TMEM255A: variants seen among roughly 807,000 people sequenced by gnomAD.
TMEM255A encodes the protein family with sequence similarity 70, member A.
A neutral mutation model predicts 23.5 loss-of-function variants in TMEM255A; 14 were observed. The observed-to-expected ratio is 0.60, with a 90% confidence interval of 0.39 to 0.93. The LOEUF (loss-of-function observed/expected upper bound fraction) is 0.93, where lower values mean the gene tolerates loss of function less well. TMEM255A is among the 40% of genes least tolerant of loss of function. The pLI is 0.00. For synonymous variants in TMEM255A, 104 were observed against 100.3 expected, an observed-to-expected ratio of 1.04 and a Z score of -0.22; for missense variants, 233 against 261.7, an observed-to-expected ratio of 0.89 and a Z score of 0.76.
At chrX:120,287,341 G>C in intron 4 of TMEM255A, 119 bp from the exon 5 acceptor site, 1 of 276,611 alleles carries the variant, frequency 3.6e-6, no homozygotes, top group Admixed American at 8.8e-5. Context: ...ACACACAGAA[G>C]CAGGCAGGCA....
At chrX:120,254,363 A>G (rs1556014946), downstream of TMEM255A, 3 of 1,211,838 alleles carry the variant, frequency 2.5e-6, no homozygotes, top group Non-Finnish European at 3.3e-6. Flanking sequence ...AGCAGACACC[A>G]AACAGTGCTA....
At chrX:120,270,596 C>G (rs1229436428) in intron 7 of TMEM255A, among the ~76,000 whole-genome samples, 7 of 111,601 alleles carry the variant, frequency 6.3e-5, no homozygotes, top group Non-Finnish European at 1.3e-4. Flanking sequence ...AAATTCATCT[C>G]AAATCCTCAT....
At chrX:120,298,005 G>C (rs1226378044) in intron 2 of TMEM255A, among the ~76,000 whole-genome samples, 2 of 110,947 alleles carry the variant, frequency 1.8e-5, no homozygotes, top group African/African-American at 6.6e-5. Context: ...GAGCTTCATG[G>C]AATCATGTAA....
intron 1 of TMEM255A, among the ~76,000 whole-genome samples, chrX:120,304,711 A>G (rs1319478561): frequency 9.0e-6 from 1 of 111,689 alleles, no homozygotes; most frequent in African/African-American, 3.3e-5. Flanking sequence ...CAATTTGAAA[A>G]TAAACAACAG....
chrX:120,285,583 A>T (rs782679786), intron 5 of TMEM255A: 1 of 1,207,479 alleles, frequency 8.3e-7, no homozygotes, highest in Admixed American at 2.2e-5. Context: ...GTGGGAAGGA[A>T]GACAGAGGAG....
chrX:120,285,680 G>T (rs782433655), intron 5 of TMEM255A: 2 of 1,211,104 alleles, frequency 1.7e-6, no homozygotes, highest in Non-Finnish European at 2.2e-6. Flanking sequence ...AGAATTTTTG[G>T]TTGAGGAACT....
At chrX:120,263,061 A>G (rs2057690613) in intron 8 of TMEM255A, among the ~76,000 whole-genome samples, 1 of 111,418 alleles carries the variant, frequency 9.0e-6, no homozygotes, top group African/African-American at 3.3e-5. Context: ...GGGAGTCTTA[A>G]GGATAAAGCT....
Position 120,304,592 on chromosome X carries a change from G to C in TMEM255A, c.59-101C>G, listed in dbSNP as rs956038972. ...AAGGTTTTCCTTTCCTATTCCTACC[G>C]GTAACTGAAGTTATCTTTGGTGGTG... On this transcript the variant is annotated intron_variant, in intron 1 of 8. Transcript: ENST00000371369. The C allele has an allele frequency of 3.3e-6, 3 of 910,970 alleles. No homozygotes were observed. In the African/African-American group the frequency reaches 6.0e-5, roughly 18 times the overall value. The allele number at this position is 910,970 out of a possible 1,213,427, so 75.1% of individuals were successfully genotyped here. A position where few individuals can be genotyped will look rare whatever the true frequency, so the allele number is the denominator to read the frequency against.
chrX:120,284,291 T>C (rs1265148374), intron 6 of TMEM255A, among the ~76,000 whole-genome samples: 1 of 112,372 alleles, frequency 8.9e-6, no homozygotes, highest in African/African-American at 3.2e-5. Flanking sequence ...GAATAAAGGA[T>C]GTTTTAGCAA....
At chrX:120,301,903 T>C in intron 2 of TMEM255A, among the ~76,000 whole-genome samples, 1 of 112,120 alleles carries the variant, frequency 8.9e-6, no homozygotes, top group Non-Finnish European at 1.9e-5. Context: ...GAGTCGTAAT[T>C]GTATTTGTTA....
chrX:120,295,367 G>A (rs1490197277), intron 2 of TMEM255A, among the ~76,000 whole-genome samples: 2 of 111,009 alleles, frequency 1.8e-5, no homozygotes, highest in African/African-American at 6.6e-5. Context: ...GGCTGGGCAG[G>A]AGCTTGGTAG....
At position 120,259,183 on chromosome X, in the gene TMEM255A, A is replaced by G. The variant is rs1320022560; in HGVS notation, c.*1687T>C. 8.9e-6 allele frequency: 1 copy of G among 112,530 alleles called. No individual in the cohort carries two copies. The highest frequency in any genetic ancestry group is 1.9e-5 in the Non-Finnish European group (1 of 53,278). The allele number at this position is 112,530 out of a possible 1,213,427, so 9.3% of individuals were successfully genotyped here. A position where few individuals can be genotyped will look rare whatever the true frequency, so the allele number is the denominator to read the frequency against. On this transcript the variant is annotated 3_prime_UTR_variant, in exon 9 of 9. Transcript: ENST00000371369. ...AAAATTCATTGAGTATTACAAGTTG[A>G]TATTTGTTTAGTTAGTCAGTTGGGT... is the stretch of plus-strand genomic sequence containing the variant.
intron 5 of TMEM255A, chrX:120,285,641 G>A (rs199905806): frequency 1.8e-5 from 22 of 1,209,575 alleles, no homozygotes; most frequent in Non-Finnish European, 1.8e-5. Flanking sequence ...AGCTGCCTGG[G>A]TAAGGTTCCT....
At position 120,304,455 on chromosome X, in the gene TMEM255A, A is replaced by G; in HGVS notation, c.95T>C (p.Val32Ala). Residue 32 changes from valine (V) to alanine (A), a missense_variant, in exon 2 of 9, where the codon GTC (valine) becomes GCC (alanine). Val to Ala is a moderately conservative substitution (Grantham distance 64). Transcript: ENST00000371369. ...FNRRKRNSIY[V>A]TVTLLIVSVL... ...GGACACAATAAGCAAAGTCACGGTG[A>G]CATAGATGGAGTTTCGTTTCCTCCG... 1 of 1,210,620 alleles carries G rather than the reference A, an allele frequency of 8.3e-7. No homozygotes were observed. Among genetic ancestry groups the G allele is most frequent in the Non-Finnish European group, 1.1e-6 (1 of 894,820 alleles).
At chrX:120,253,510 G>A in the TMEM255A span, 1 of 1,210,415 alleles carries the variant, frequency 8.3e-7, no homozygotes, top group Non-Finnish European at 1.1e-6. Context: ...GGACTCTTCT[G>A]TGATGTTACC....
At chrX:120,307,884 T>A (rs1201059831) in intron 1 of TMEM255A, among the ~76,000 whole-genome samples, 1 of 111,702 alleles carries the variant, frequency 9.0e-6, no homozygotes, top group African/African-American at 3.3e-5. Context: ...GCCCTCCCTC[T>A]CTGCAGTGCC....
chrX:120,257,091 A>T (rs1345382933), downstream of TMEM255A: 2 of 122,541 alleles, frequency 1.6e-5, no homozygotes, highest in African/African-American at 3.3e-5. Context: ...AAGAAAAAAA[A>T]TCCTTTGCTT....
intron 3 of TMEM255A, 81 bp downstream of exon 3, chrX:120,293,908 T>A: frequency 1.4e-6 from 1 of 737,948 alleles, no homozygotes; most frequent in Non-Finnish European, 2.0e-6. Flanking sequence ...TCACACAAAC[T>A]TAAGAAATGT....
intron 8 of TMEM255A, among the ~76,000 whole-genome samples, chrX:120,264,450 A>AG (rs200693477): frequency 0.019 from 2,168 of 111,357 alleles, 40 homozygotes; most frequent in Non-Finnish European, 0.032. Context: ...CCTCAGGGCC[A>AG]GCTGATCAGA....
Sources: gnomAD v4.1 joint callset for allele counts (sites outside exome capture counted in the v4.1 genomes callset) on GRCh38, gnomAD v4.1.1 for gene constraint, MANE v1.5 for transcripts, NCBI Gene and HGNC (gene_info 2026-07-23, HGNC 2026-07-21) for gene names.